The following FASTKD2 variants were observed in gnomAD, a reference collection of about 807,000 sequenced individuals.
FASTKD2 encodes the protein FAST kinase domain-containing protein 2, mitochondrial.
In FASTKD2, 51 loss-of-function variants were observed where a neutral mutation model predicts 63.6. The observed-to-expected ratio is 0.80, with a 90% CI of 0.64 to 1.01. The LOEUF (loss-of-function observed/expected upper bound fraction) is 1.01. Among genes scored for constraint, FASTKD2 ranks in the 50% least tolerant of loss-of-function variants. The pLI is 0.00. For missense variants in FASTKD2, 786 were observed against 831.1 expected, an observed-to-expected ratio of 0.95 and a Z score of 0.67; for synonymous variants, 284 against 293.4, an observed-to-expected ratio of 0.97 and a Z score of 0.33.
chr2:206,770,383 A>G (rs1412225856), intron 3 of FASTKD2, among the ~76,000 whole-genome samples, 189 bp downstream of exon 3: 2 of 152,154 alleles, frequency 1.3e-5, no homozygotes, highest in Non-Finnish European at 2.9e-5. Context: ...TAGGCTGGAA[A>G]TACTTCTCTT....
In FASTKD2 at chr2:206,795,695, GA is replaced by G. The variant is rs1690431013; in HGVS notation, c.*3896del. On this transcript the variant is annotated 3_prime_UTR_variant, in exon 12 of 12. Coordinates refer to ENST00000402774, the MANE Select transcript of FASTKD2 (RefSeq NM_001136193.2). ...TTCCTCTATGCAGATGTACCTACTTGAAACTGGGAAGGCCAAATGAGATAGA... is the reference window on the plus strand; with the variant it reads ...TTCCTCTATGCAGATGTACCTACTTGAACTGGGAAGGCCAAATGAGATAGA... 6.6e-6 allele frequency among the ~76,000 whole-genome samples: 1 copy of G among 152,186 alleles called. No individual in the cohort carries two copies. The highest frequency in any genetic ancestry group is 1.5e-5 in the Non-Finnish European group (1 of 68,036).
intron 6 of FASTKD2, 22 bp downstream of exon 6, chr2:206,772,342 A>G (rs776905332): frequency 6.2e-7 from 1 of 1,610,252 alleles, no homozygotes. Context: ...AACAATTTAG[A>G]ATAAGCCTCA....
rs751349864 is a variant in FASTKD2 at position 206,771,301 on chromosome 2, G to C, written c.990+11G>C. 6.8e-7 allele frequency: 1 copy of C among 1,478,652 alleles called. No homozygotes were observed. The highest frequency in any genetic ancestry group is 9.5e-7 in the Non-Finnish European group (1 of 1,056,364). The allele number at this position is 1,478,652 out of a possible 1,614,324, so 91.6% of individuals were successfully genotyped here. The stretch of plus-strand genomic sequence containing the variant: ...AAGAGGAAACTGGAGGTAAACACAT[G>C]AATTTTCTCTAGTGGATGAGATTTG... On this transcript the variant is annotated intron_variant, in intron 4 of 11. Transcript: ENST00000402774.
In FASTKD2 at chr2:206,772,207, A is replaced by T; in HGVS notation, c.1141A>T (p.Ile381Leu). The T allele has an allele frequency of 6.2e-7, 1 of 1,613,356 alleles. No homozygotes were observed. ...LDNIHGCPLR[I>L]MINILQSCKD... The stretch of plus-strand genomic sequence containing the variant: ...TAATATCCATGGGTGTCCTTTAAGA[A>T]TAATGATCAACATATTGCAGTCCTG... Residue 381 changes from isoleucine (I) to leucine (L), a missense_variant, in exon 6 of 12, where the codon ATA (isoleucine) becomes TTA (leucine). By Grantham distance (5) the Ile-to-Leu change is conservative (BLOSUM62 2). Coordinates refer to ENST00000402774, the MANE Select transcript of FASTKD2 (RefSeq NM_001136193.2).
intron 9 of FASTKD2, among the ~76,000 whole-genome samples, chr2:206,788,462 G>A (rs930815952): frequency 2.6e-5 from 4 of 152,028 alleles, no homozygotes; most frequent in Admixed American, 2.0e-4. Flanking sequence ...GGCTGGTCAC[G>A]GTGGCACACG....
chr2:206,784,836 A>G (rs1463026346), intron 7 of FASTKD2, among the ~76,000 whole-genome samples: 2 of 152,356 alleles, frequency 1.3e-5, no homozygotes, highest in Non-Finnish European at 2.9e-5. Context: ...ACTTAGGAGA[A>G]AGATGAATAA....
intron 7 of FASTKD2, among the ~76,000 whole-genome samples, chr2:206,781,209 C>G (rs780992563): frequency 1.3e-5 from 2 of 151,910 alleles, no homozygotes; most frequent in Non-Finnish European, 2.9e-5. Flanking sequence ...GAAACAGTCT[C>G]CTCTCCCTGT....
At chr2:206,774,184 G>A (rs750841764) in intron 6 of FASTKD2, 41 bp from the exon 7 acceptor site, 48 of 1,413,690 alleles carry the variant, frequency 3.4e-5, no homozygotes, top group Non-Finnish European at 4.3e-5. Context: ...TTAGCATACT[G>A]TAATTATTAT....
At chr2:206,785,093 A>G (rs1041786905) in intron 7 of FASTKD2, among the ~76,000 whole-genome samples, 1 of 152,174 alleles carries the variant, frequency 6.6e-6, no homozygotes, top group Non-Finnish European at 1.5e-5. Flanking sequence ...GGCAGCAGAC[A>G]AGAGAGACAG....
chr2:206,768,278 A>G (rs3815686), intron 2 of FASTKD2, among the ~76,000 whole-genome samples: 35,637 of 152,144 alleles, frequency 0.23, 5,183 homozygotes, highest in East Asian at 0.71. Flanking sequence ...TTTTTAGTCT[A>G]AAGCAAGAAT....
At chr2:206,789,092 A>G in intron 10 of FASTKD2, 189 bp downstream of exon 10, 1 of 603,896 alleles carries the variant, frequency 1.7e-6, no homozygotes, top group Non-Finnish European at 2.9e-6. Context: ...GTTGAATACA[A>G]TGGACTACAG....
chr2:206,790,304 G>A (rs888887476), intron 10 of FASTKD2: 1 of 388,546 alleles, frequency 2.6e-6, no homozygotes, highest in Non-Finnish European at 4.8e-6. Flanking sequence ...TTTCATGTCT[G>A]AAAATTTTCC....
chr2:206,783,997 C>T (rs369603079), intron 7 of FASTKD2, among the ~76,000 whole-genome samples: 2 of 152,156 alleles, frequency 1.3e-5, no homozygotes, highest in East Asian at 1.9e-4. Context: ...TATCCAGCCC[C>T]GGATGTTAGT....
chr2:206,767,054 G>T lies in FASTKD2; in HGVS notation c.361G>T (p.Val121Phe). Residue 121 changes from valine to phenylalanine, a missense_variant, in exon 2 of 12, where the codon GTC (valine) becomes TTC (phenylalanine). By Grantham distance (50) the Val-to-Phe change is conservative (BLOSUM62 -1). Transcript: ENST00000402774. ...RLFFDSKQSLVPVDKSDDELK... is the reference protein window; with the variant it reads ...RLFFDSKQSLFPVDKSDDELK... ...GTTTTTTGACTCAAAGCAGTCTCTT[G>T]TCCCTGTTGATAAATCTGATGATGA... 1 of 1,614,016 alleles carries T rather than the reference G, an allele frequency of 6.2e-7. No individual in the cohort carries two copies. Among genetic ancestry groups the T allele is most frequent in the South Asian group, 1.1e-5 (1 of 91,078 alleles).
At chr2:206,774,652 C>G (rs965342747) in intron 7 of FASTKD2, among the ~76,000 whole-genome samples, 13 of 151,908 alleles carry the variant, frequency 8.6e-5, no homozygotes, top group African/African-American at 3.1e-4. Context: ...TGATTTCAAA[C>G]CCTCCCAGCT....
In FASTKD2 at chr2:206,786,864, T is replaced by C. The variant is rs533213706; in HGVS notation, c.1559T>C (p.Leu520Pro). Reference protein sequence around the residue: ...YFPLAPFNQLLQKDIISELLT... With the variant: ...YFPLAPFNQLPQKDIISELLT... ...CCCCTGGCTCCTTTTAATCAGCTTCTGCAAAAAGACATCATCAGTGAGCTG... is the reference window on the plus strand; with the variant it reads ...CCCCTGGCTCCTTTTAATCAGCTTCCGCAAAAAGACATCATCAGTGAGCTG... The change falls in exon 8 of 12, where the codon CTG (leucine) becomes CCG (proline). Residue 520 changes from leucine to proline, a missense_variant. By Grantham distance (98) the Leu-to-Pro change is moderately conservative (BLOSUM62 -3). Coordinates refer to ENST00000402774, the MANE Select transcript of FASTKD2 (RefSeq NM_001136193.2). The C allele has an allele frequency of 2.5e-6, 4 of 1,610,358 alleles. No individual in the cohort carries two copies. The highest frequency in any genetic ancestry group is 3.4e-6 in the Non-Finnish European group (4 of 1,177,830).
rs992977864 is a variant in FASTKD2 at position 206,794,585 on chromosome 2, A to C, written c.*2783A>C. The stretch of plus-strand genomic sequence containing the variant: ...ACATTTACCAGCTCTCCGAATTCTC[A>C]GTAGTTACCACTGAATAGAAACTTT... On this transcript the variant is annotated 3_prime_UTR_variant, in exon 12 of 12. Coordinates refer to ENST00000402774, the MANE Select transcript of FASTKD2 (RefSeq NM_001136193.2). Among the ~76,000 whole-genome samples the C allele has an allele frequency of 6.6e-6, 1 of 152,192 alleles. No homozygotes were observed. The highest frequency in any genetic ancestry group is 1.5e-5 in the Non-Finnish European group (1 of 68,040).
chr2:206,776,129 A>AAT lies in FASTKD2; in HGVS notation c.1427+1742_1427+1743dup, dbSNP rs545093520. Reference sequence around the variant, plus strand: ...TGTTATAATGTGTAAACATACTACAAATATATATATAATATATATATTATG... The same window carrying AAT: ...TGTTATAATGTGTAAACATACTACAAATATATATATATAATATATATATTATG... On this transcript the variant is annotated intron_variant, in intron 7 of 11. Transcript: ENST00000402774. Among the ~76,000 whole-genome samples, 313 of 151,224 alleles carry AAT rather than the reference A, an allele frequency of 2.1e-3. 1 individual carries two copies. Among genetic ancestry groups the AAT allele is most frequent in the Non-Finnish European group, 3.7e-3 (253 of 67,678 alleles).
At chr2:206,771,137 C>A in intron 3 of FASTKD2, 45 bp from the exon 4 acceptor site, 1 of 1,188,840 alleles carries the variant, frequency 8.4e-7, no homozygotes, top group Non-Finnish European at 1.2e-6. Context: ...TTTTCTTCTG[C>A]TTTGAAGATT....
Sources: gnomAD v4.1 joint callset for allele counts (sites outside exome capture counted in the v4.1 genomes callset) on GRCh38, gnomAD v4.1.1 for gene constraint, MANE v1.5 for transcripts, NCBI Gene and HGNC (gene_info 2026-07-23, HGNC 2026-07-21) for gene names.